Variants in SOS2 observed in about 807,000 individuals in gnomAD.
SOS2 encodes son of sevenless homolog 2.
SOS2 carries 65 observed loss-of-function variants against 148.2 expected under a neutral mutation model. The observed-to-expected ratio is 0.44, with a 90% CI of 0.36 to 0.54. The LOEUF (loss-of-function observed/expected upper bound fraction) is 0.54. Among genes scored for constraint, SOS2 ranks in the 20% least tolerant of loss-of-function variants. The pLI is 0.00. For missense variants in SOS2, 1,341 were observed against 1,590.2 expected, an observed-to-expected ratio of 0.84 and a Z score of 2.67; for synonymous variants, 539 against 537.1, an observed-to-expected ratio of 1.00 and a Z score of -0.05.
At chr14:50,137,057 A>G (rs917991476) in intron 18 of SOS2, among the ~76,000 whole-genome samples, 2 of 152,194 alleles carry the variant, frequency 1.3e-5, no homozygotes, top group African/African-American at 4.8e-5. Flanking sequence ...TTATGTCTAA[A>G]AAGTTTAGCG....
intron 2 of SOS2, 34 bp downstream of exon 2, chr14:50,204,250 G>A: frequency 2.8e-6 from 4 of 1,449,804 alleles, no homozygotes; most frequent in Non-Finnish European, 3.8e-6. Flanking sequence ...TACAGTGGTT[G>A]AGTGACTTTT....
rs143564225 is a variant in SOS2, at chr14:50,211,529, A to G, written c.88-7120T>C. On this transcript the variant is annotated intron_variant, in intron 1 of 22. Coordinates refer to ENST00000216373, the MANE Select transcript of SOS2 (RefSeq NM_006939.4). ...TACCCCATGTTTAGCTCTCACCCGT[A>G]AATGAGAACATGCAGCATTTGTTTT... Among the ~76,000 whole-genome samples, 106 of 152,114 alleles carry G rather than the reference A, an allele frequency of 7.0e-4. 1 individual carries two copies. The highest frequency in any genetic ancestry group is 2.3e-3 in the African/African-American group (94 of 41,544).
intron 1 of SOS2, among the ~76,000 whole-genome samples, chr14:50,207,385 C>T (rs915636075): frequency 1.3e-5 from 2 of 151,860 alleles, no homozygotes; most frequent in African/African-American, 4.8e-5. Context: ...GTGGCATATG[C>T]CTGTAGTCCC....
At chr14:50,228,826 T>C (rs915109713) in intron 1 of SOS2, among the ~76,000 whole-genome samples, 1 of 152,206 alleles carries the variant, frequency 6.6e-6, no homozygotes, top group African/African-American at 2.4e-5. Context: ...TTTGTACTCT[T>C]AGGATCCCGC....
intron 2 of SOS2, among the ~76,000 whole-genome samples, chr14:50,203,619 T>C (rs1351391237): frequency 1.3e-5 from 2 of 151,656 alleles, no homozygotes; most frequent in African/African-American, 2.4e-5. Context: ...CACACACACA[T>C]ACATATACAT....
chr14:50,142,691 A>G (rs1239546034), intron 16 of SOS2, among the ~76,000 whole-genome samples: 1 of 152,226 alleles, frequency 6.6e-6, no homozygotes, highest in East Asian at 1.9e-4. Flanking sequence ...GAGGTATAAG[A>G]GGATGTATTT....
intron 5 of SOS2, among the ~76,000 whole-genome samples, chr14:50,183,218 G>A (rs1444609897): frequency 6.6e-6 from 1 of 152,000 alleles, no homozygotes; most frequent in Admixed American, 6.6e-5. Context: ...ACCCTCAGAG[G>A]TAGAAACTAT....
intron 5 of SOS2, among the ~76,000 whole-genome samples, chr14:50,187,754 C>G (rs958820275): frequency 1.3e-5 from 2 of 152,194 alleles, no homozygotes; most frequent in Non-Finnish European, 2.9e-5. Flanking sequence ...ACATGGCATT[C>G]TGCATAAACT....
At chr14:50,180,941 G>C (rs17715073) in intron 6 of SOS2, among the ~76,000 whole-genome samples, 2 of 151,532 alleles carry the variant, frequency 1.3e-5, no homozygotes, top group Admixed American at 1.3e-4. Context: ...CTGCAGAACC[G>C]ATATGAAAAC....
rs749789629 is a variant in SOS2 at position 50,204,422 on chromosome 14, G to T, written c.88-13C>A. ...CTTGTTCCTGAACCTTTAAAAAAAAGTTATCAGTTAAAGTAATGGCAAAAT... is the reference window on the plus strand; with the variant it reads ...CTTGTTCCTGAACCTTTAAAAAAAATTTATCAGTTAAAGTAATGGCAAAAT... On this transcript the variant is annotated splice_polypyrimidine_tract_variant and intron_variant, in intron 1 of 22. Transcript: ENST00000216373. The T allele has an allele frequency of 6.6e-6, 10 of 1,515,022 alleles. No homozygotes were observed. The highest frequency in any genetic ancestry group is 8.1e-6 in the Non-Finnish European group (9 of 1,109,558). 93.8% of individuals were successfully genotyped at this position (1,515,022 alleles called of 1,614,324 possible). A position where few individuals can be genotyped will look rare whatever the true frequency, so the allele number is the denominator to read the frequency against.
Position 50,170,097 on chromosome 14 carries a change from A to AT in SOS2, c.1068+4356dup, listed in dbSNP as rs113568518. On this transcript the variant is annotated intron_variant, in intron 8 of 22. Coordinates refer to ENST00000216373, the MANE Select transcript of SOS2 (RefSeq NM_006939.4). ...TGCACCACTATGTCCAGCTAATCTG[A>AT]TTTTTTTTTTTTTTTTGTAGAGACA... is the stretch of plus-strand genomic sequence containing the variant. 9.7e-3 allele frequency among the ~76,000 whole-genome samples: 1,318 copies of AT among 135,392 alleles called. 11 individuals carry two copies. The highest frequency in any genetic ancestry group is 0.076 in the Middle Eastern group (20 of 262). 88.8% of individuals were successfully genotyped at this position (135,392 alleles called of 152,430 possible). A position where few individuals can be genotyped will look rare whatever the true frequency, so the allele number is the denominator to read the frequency against.
chr14:50,158,686 T>C (rs187866131), intron 10 of SOS2, 40 bp from the exon 11 acceptor site: 28 of 1,300,852 alleles, frequency 2.2e-5, no homozygotes, highest in Non-Finnish European at 3.0e-5. Context: ...ATGTTTAATG[T>C]ATTCAGTTTA....
At chr14:50,128,670 CAAGA>C (rs1566818348) in intron 21 of SOS2, among the ~76,000 whole-genome samples, 2 of 152,124 alleles carry the variant, frequency 1.3e-5, no homozygotes, top group Non-Finnish European at 2.9e-5. Flanking sequence ...CCTTGGAGAA[CAAGA>C]AAAGGAGTGG....
intron 21 of SOS2, among the ~76,000 whole-genome samples, chr14:50,122,969 C>A (rs1041557767): frequency 6.6e-6 from 1 of 152,070 alleles, no homozygotes; most frequent in Non-Finnish European, 1.5e-5. Context: ...GAACAAAACT[C>A]AAAAATTCAC....
At chr14:50,178,668 GTGCATATATATATATA>G (rs1285485601) in intron 7 of SOS2, among the ~76,000 whole-genome samples, 3,314 of 68,382 alleles carry the variant, frequency 0.048, 111 homozygotes, top group Non-Finnish European at 0.069. Context: ...GTGTGTGTGT[GTGCATATATATATATA>G]TATATATATA....
chr14:50,157,605 T>C (rs1253965178), intron 11 of SOS2, among the ~76,000 whole-genome samples: 2 of 152,148 alleles, frequency 1.3e-5, no homozygotes, highest in African/African-American at 4.8e-5. Flanking sequence ...AGCTAAACTA[T>C]AAGTCTAACG....
At chr14:50,195,514 C>A (rs61982703) in intron 4 of SOS2, among the ~76,000 whole-genome samples, 39 of 152,262 alleles carry the variant, frequency 2.6e-4, no homozygotes, top group Middle Eastern at 3.4e-3. Flanking sequence ...GTAATCCCAG[C>A]ATCTTGGGAG....
At chr14:50,138,332 T>A (rs1457220368) in intron 18 of SOS2, among the ~76,000 whole-genome samples, 2 of 151,946 alleles carry the variant, frequency 1.3e-5, no homozygotes, top group Non-Finnish European at 2.9e-5. Flanking sequence ...AATTTTTTTT[T>A]ATATTTTTAG....
chr14:50,158,501 C>T, intron 11 of SOS2, 64 bp downstream of exon 11: 1 of 988,884 alleles, frequency 1.0e-6, no homozygotes, highest in Non-Finnish European at 1.6e-6. Context: ...GTACTAGGCA[C>T]TTTACAAAAT....
Sources: gnomAD v4.1 joint callset for allele counts (sites outside exome capture counted in the v4.1 genomes callset) on GRCh38, gnomAD v4.1.1 for gene constraint, MANE v1.5 for transcripts, NCBI Gene and HGNC (gene_info 2026-07-23, HGNC 2026-07-21) for gene names.